NTM: variants seen among roughly 807,000 people sequenced by gnomAD.
NTM encodes neurotrimin.
Under a neutral mutation model 42.1 loss-of-function variants are expected in NTM, and 13 were observed. The observed-to-expected ratio is 0.31, with a 90% CI of 0.20 to 0.49. The LOEUF (loss-of-function observed/expected upper bound fraction) is 0.49, where lower values mean the gene tolerates loss of function less well. Among genes scored for constraint, NTM ranks in the 20% least tolerant of loss-of-function variants. NTM has a pLI of 0.99. For synonymous variants in NTM, 187 were observed against 179.2 expected, an observed-to-expected ratio of 1.04 and a Z score of -0.35; for missense variants, 373 against 452.8, an observed-to-expected ratio of 0.82 and a Z score of 1.60.
At chr11:132,206,159 A>G (rs561696880) in intron 3 of NTM, among the ~76,000 whole-genome samples, 4 of 152,294 alleles carry the variant, frequency 2.6e-5, no homozygotes, top group Non-Finnish European at 4.4e-5. Context: ...GTTTCTGTCT[A>G]TTTTACTCCA....
chr11:132,074,132 A>G (rs558268134), intron 2 of NTM, among the ~76,000 whole-genome samples: 4 of 152,334 alleles, frequency 2.6e-5, no homozygotes, highest in Non-Finnish European at 2.9e-5. Context: ...TTGGAAAACA[A>G]TATGCAGTTC....
At chr11:131,872,000 A>C (rs560187318) in intron 1 of NTM, among the ~76,000 whole-genome samples, 1 of 152,338 alleles carries the variant, frequency 6.6e-6, no homozygotes, top group East Asian at 1.9e-4. Context: ...TGCTGTGTAC[A>C]CATGTCTTCA....
At chr11:131,458,857 G>C (rs75703123) in intron 1 of NTM, among the ~76,000 whole-genome samples, 14,191 of 152,286 alleles carry the variant, frequency 0.093, 1,653 homozygotes, top group African/African-American at 0.27. Context: ...TCAAGAGCTT[G>C]TGTTTCCGTA....
chr11:131,986,351 CA>C (rs2066068113), intron 2 of NTM, among the ~76,000 whole-genome samples: 1 of 152,212 alleles, frequency 6.6e-6, no homozygotes, highest in Admixed American at 6.5e-5. Context: ...ACATCCTTTG[CA>C]CAAAAGCTTA....
At chr11:131,810,199 C>G (rs890172855) in intron 1 of NTM, among the ~76,000 whole-genome samples, 1 of 152,144 alleles carries the variant, frequency 6.6e-6, no homozygotes, top group Non-Finnish European at 1.5e-5. Flanking sequence ...GTCCTCCTAC[C>G]TTTCTCCTCC....
intron 4 of NTM, among the ~76,000 whole-genome samples, chr11:132,260,839 C>T (rs1012438644): frequency 6.6e-6 from 1 of 152,162 alleles, no homozygotes; most frequent in African/African-American, 2.4e-5. Flanking sequence ...GTGCCCTGAA[C>T]CCATTAAGTC....
At chr11:131,776,011 C>T (rs574840790) in intron 1 of NTM, among the ~76,000 whole-genome samples, 1 of 152,250 alleles carries the variant, frequency 6.6e-6, no homozygotes, top group South Asian at 2.1e-4. Flanking sequence ...AAGTTCTTTC[C>T]TGGAACAACT....
At chr11:131,613,495 C>G (rs1212058086) in intron 1 of NTM, among the ~76,000 whole-genome samples, 1 of 152,152 alleles carries the variant, frequency 6.6e-6, no homozygotes, top group Non-Finnish European at 1.5e-5. Flanking sequence ...ATATTGATTC[C>G]CAAATGCCAG....
chr11:132,302,203 A>G (rs2094892189), intron 4 of NTM, among the ~76,000 whole-genome samples: 2 of 152,180 alleles, frequency 1.3e-5, no homozygotes, highest in African/African-American at 2.4e-5. Context: ...ATTCCACTTA[A>G]TGAAATAGCT....
chr11:131,731,003 G>A (rs2079608252), intron 1 of NTM, among the ~76,000 whole-genome samples: 1 of 152,110 alleles, frequency 6.6e-6, no homozygotes, highest in South Asian at 2.1e-4. Flanking sequence ...AGAACTACGA[G>A]GCTGCTTTTT....
At chr11:131,437,336 C>T (rs970236307) in intron 1 of NTM, among the ~76,000 whole-genome samples, 3 of 152,220 alleles carry the variant, frequency 2.0e-5, no homozygotes, top group African/African-American at 7.2e-5. Context: ...TCCTGGATAT[C>T]CTTGTTAACC....
chr11:131,753,363 C>A (rs1190954197), intron 1 of NTM, among the ~76,000 whole-genome samples: 1 of 148,300 alleles, frequency 6.7e-6, no homozygotes, highest in Non-Finnish European at 1.5e-5. Flanking sequence ...ACTAGAAATA[C>A]CATTTGACCC....
chr11:131,745,128 G>A (rs1237799557), intron 1 of NTM, among the ~76,000 whole-genome samples: 1 of 152,190 alleles, frequency 6.6e-6, no homozygotes, highest in African/African-American at 2.4e-5. Flanking sequence ...CTGATTGATG[G>A]TGCTACCAGA....
At chr11:131,966,644 A>G (rs1347444716) in intron 2 of NTM, among the ~76,000 whole-genome samples, 1 of 152,158 alleles carries the variant, frequency 6.6e-6, no homozygotes, top group African/African-American at 2.4e-5. Flanking sequence ...TGGAGTGTCC[A>G]TGGGCAGGGG....
chr11:131,854,846 T>C (rs1359812064), intron 1 of NTM, among the ~76,000 whole-genome samples: 1 of 152,216 alleles, frequency 6.6e-6, no homozygotes, highest in African/African-American at 2.4e-5. Context: ...ACTTGGGATG[T>C]AGGTTTTTCC....
intron 1 of NTM, among the ~76,000 whole-genome samples, chr11:131,789,599 A>AGAAGGAGAAGG (rs2090379593): frequency 1.4e-5 from 1 of 71,226 alleles, no homozygotes; most frequent in Non-Finnish European, 2.8e-5. Context: ...GAAGAAGAAG[A>AGAAGGAGAAGG]AGAAGAAGAA....
At chr11:131,865,521 C>T (rs929220891) in intron 1 of NTM, among the ~76,000 whole-genome samples, 6 of 152,198 alleles carry the variant, frequency 3.9e-5, no homozygotes, top group Admixed American at 1.3e-4. Context: ...AAAATCAAAA[C>T]CCAAAACAAG....
At chr11:131,598,875 T>TCCTTCCTTCTTC (rs1174189983) in intron 1 of NTM, among the ~76,000 whole-genome samples, 3 of 35,032 alleles carry the variant, frequency 8.6e-5, no homozygotes, top group African/African-American at 3.0e-4. Context: ...CTTCCTTCCT[T>TCCTTCCTTCTTC]CTTCCTTCCT....
chr11:131,803,591 T>TAAGC (rs1382595282), intron 1 of NTM, among the ~76,000 whole-genome samples: 6 of 152,200 alleles, frequency 3.9e-5, no homozygotes, highest in Admixed American at 3.9e-4. Context: ...ATTACAGGTG[T>TAAGC]AAGCCACTGC....
Sources: allele counts gnomAD v4.1 joint callset (sites outside exome capture counted in the v4.1 genomes callset), GRCh38; gene constraint gnomAD v4.1.1; transcripts MANE v1.5; gene names NCBI Gene and HGNC (gene_info 2026-07-23, HGNC 2026-07-21).